Variants in AKAP6 observed in about 807,000 individuals in gnomAD.
AKAP6 encodes A-kinase anchoring protein 6, also known as A-kinase anchor protein 6.
A neutral mutation model predicts 188.5 loss-of-function variants in AKAP6; 58 were observed. The ratio of observed to expected loss-of-function variants is 0.31; its 90% CI spans 0.25 to 0.38. The LOEUF (loss-of-function observed/expected upper bound fraction) is 0.38. AKAP6 is among the 10% of genes least tolerant of loss of function. The probability of loss-of-function intolerance (pLI) is 1.00; values close to 1 mark genes in which losing one functional copy is unlikely to be tolerated. For synonymous variants in AKAP6, 989 were observed against 998.6 expected (o/e 0.99, Z 0.18); for missense variants, 2,710 against 2,740.0 (o/e 0.99, Z 0.24).
rs536130360 is a variant in AKAP6, at chr14:32,706,227, A to C, written c.3000+10117A>C. ...CAAGAACGTTATTTCCTCCCTCTGT[A>C]TGAACTTTTTGTGCTAAGATAGAAG... On this transcript the variant is annotated intron_variant, in intron 9 of 13. Coordinates refer to ENST00000280979, the MANE Select transcript of AKAP6 (RefSeq NM_004274.5). Among the ~76,000 whole-genome samples the C allele has an allele frequency of 7.2e-5, 11 of 152,194 alleles. No individual in the cohort carries two copies. The East Asian group carries it at 2.1e-3, about 29-fold the overall frequency.
chr14:32,779,325 A>G (rs1275254088), intron 12 of AKAP6, among the ~76,000 whole-genome samples: 1 of 149,848 alleles, frequency 6.7e-6, no homozygotes, highest in African/African-American at 2.5e-5. Flanking sequence ...TGGGAGGATC[A>G]CTTGAGCCCA....
chr14:32,419,957 A>G (rs575449018), intron 1 of AKAP6, among the ~76,000 whole-genome samples: 2 of 152,294 alleles, frequency 1.3e-5, no homozygotes, highest in East Asian at 3.9e-4. Flanking sequence ...AGATTTTGGA[A>G]CTAATGCACT....
intron 2 of AKAP6, among the ~76,000 whole-genome samples, chr14:32,530,371 T>C (rs1215713577): frequency 6.6e-6 from 1 of 151,930 alleles, no homozygotes; most frequent in Admixed American, 6.6e-5. Flanking sequence ...TTTGTGTGTG[T>C]GTTTTAGAGG....
chr14:32,709,620 T>TA (rs1421734649), intron 9 of AKAP6, among the ~76,000 whole-genome samples: 1 of 152,090 alleles, frequency 6.6e-6, no homozygotes, highest in African/African-American at 2.4e-5. Flanking sequence ...GGATTGTTTT[T>TA]ATCCATTCCA....
chr14:32,347,976 C>T (rs1019270738), intron 1 of AKAP6, among the ~76,000 whole-genome samples: 1 of 152,180 alleles, frequency 6.6e-6, no homozygotes, highest in African/African-American at 2.4e-5. Flanking sequence ...TCAAGGAAAT[C>T]GGGATACATT....
intron 1 of AKAP6, among the ~76,000 whole-genome samples, chr14:32,344,744 C>T (rs150468380): frequency 3.5e-4 from 53 of 152,040 alleles, no homozygotes; most frequent in African/African-American, 1.1e-3. Context: ...GGCGAAACCC[C>T]GTCTCTACTA....
At chr14:32,442,987 G>T (rs1394812581) in intron 2 of AKAP6, among the ~76,000 whole-genome samples, 1 of 152,138 alleles carries the variant, frequency 6.6e-6, no homozygotes. Context: ...AACAAGAAAT[G>T]AACATCTTTA....
chr14:32,690,861 T>C (rs1890150565), intron 8 of AKAP6, among the ~76,000 whole-genome samples: 1 of 152,178 alleles, frequency 6.6e-6, no homozygotes, highest in African/African-American at 2.4e-5. Context: ...TAAGATCAAG[T>C]GTATGGCAAG....
rs11850655 is a variant in AKAP6, at chr14:32,786,427, C to T, written c.3588+12534C>T. 5.4e-3 allele frequency among the ~76,000 whole-genome samples: 809 copies of T among 150,538 alleles called. 11 individuals carry two copies. The highest frequency in any genetic ancestry group is 0.018 in the African/African-American group (758 of 41,044). Reference sequence around the variant, plus strand: ...GGTGCATGCCATTCTCCTGCCCCAGCCTCCTGAGTAGCTGGGACTACAGGC... The same window carrying T: ...GGTGCATGCCATTCTCCTGCCCCAGTCTCCTGAGTAGCTGGGACTACAGGC... On this transcript the variant is annotated intron_variant, in intron 12 of 13. Coordinates refer to ENST00000280979, the MANE Select transcript of AKAP6 (RefSeq NM_004274.5).
chr14:32,564,972 T>C (rs1264630109), intron 4 of AKAP6, among the ~76,000 whole-genome samples: 1 of 152,210 alleles, frequency 6.6e-6, no homozygotes, highest in Non-Finnish European at 1.5e-5. Flanking sequence ...ACAGTTGATT[T>C]TGAGGCACAG....
At chr14:32,683,080 G>A (rs1043601918) in intron 8 of AKAP6, among the ~76,000 whole-genome samples, 2 of 150,058 alleles carry the variant, frequency 1.3e-5, no homozygotes, top group Non-Finnish European at 2.9e-5. Context: ...CGCAACCTCC[G>A]CCTCTTGGGT....
chr14:32,587,351 G>A (rs1885297378), intron 5 of AKAP6, among the ~76,000 whole-genome samples: 1 of 152,156 alleles, frequency 6.6e-6, no homozygotes, highest in African/African-American at 2.4e-5. Flanking sequence ...TATCTCAACA[G>A]TTTGAGGAAT....
At chr14:32,657,869 T>C (rs933255084) in intron 7 of AKAP6, among the ~76,000 whole-genome samples, 4 of 152,086 alleles carry the variant, frequency 2.6e-5, no homozygotes, top group African/African-American at 9.7e-5. Context: ...ATGAGCAGGA[T>C]TTGAAAGTTG....
At chr14:32,659,896 TAACA>T (rs1888612875) in intron 7 of AKAP6, among the ~76,000 whole-genome samples, 1 of 151,970 alleles carries the variant, frequency 6.6e-6, no homozygotes, top group Non-Finnish European at 1.5e-5. Flanking sequence ...CTGTAGAGAA[TAACA>T]AACAAACATA....
intron 2 of AKAP6, 54 bp from the exon 3 acceptor site, chr14:32,535,500 C>T: frequency 1.9e-6 from 3 of 1,565,490 alleles, no homozygotes; most frequent in Non-Finnish European, 2.6e-6. Context: ...ACCCTCACCT[C>T]CCTCCAGGAT....
At chr14:32,609,548 A>G (rs374441832) in intron 7 of AKAP6, among the ~76,000 whole-genome samples, 1 of 152,038 alleles carries the variant, frequency 6.6e-6, no homozygotes, top group East Asian at 1.9e-4. Context: ...TCTCATTTTT[A>G]TACTCATTTG....
At chr14:32,658,318 T>A (rs886706282) in intron 7 of AKAP6, among the ~76,000 whole-genome samples, 2 of 152,160 alleles carry the variant, frequency 1.3e-5, no homozygotes, top group Non-Finnish European at 2.9e-5. Context: ...CTATAATTTC[T>A]AAAGAGCATC....
rs1373201929 is a variant in AKAP6, at chr14:32,449,404, C to A, written c.324+15587C>A. On this transcript the variant is annotated intron_variant, in intron 2 of 13. Transcript: ENST00000280979. ...AGGCATGGAGGTGCACGCCTCTAAT[C>A]CCAGCCACTCAGGAGGCTGAGGCAG... 2.6e-5 allele frequency among the ~76,000 whole-genome samples: 4 copies of A among 151,794 alleles called. No homozygotes were observed. In the South Asian group the frequency reaches 8.4e-4, roughly 32 times the overall value.
At chr14:32,575,502 G>A (rs560671269) in intron 4 of AKAP6, among the ~76,000 whole-genome samples, 19 of 152,196 alleles carry the variant, frequency 1.2e-4, no homozygotes, top group Admixed American at 2.6e-4. Context: ...TAGGACTGGA[G>A]GAATGTTAAA....
Sources: gnomAD v4.1 joint callset for allele counts (sites outside exome capture counted in the v4.1 genomes callset) on GRCh38, gnomAD v4.1.1 for gene constraint, MANE v1.5 for transcripts, NCBI Gene and HGNC (gene_info 2026-07-23, HGNC 2026-07-21) for gene names.